The following PCDH11X variants were observed in gnomAD, a reference collection of about 807,000 sequenced individuals.
PCDH11X encodes protocadherin-11 X-linked.
Under a neutral mutation model 53.3 loss-of-function variants are expected in PCDH11X, and 18 were observed. The observed-to-expected ratio is 0.34, with a 90% confidence interval of 0.23 to 0.50. The LOEUF (loss-of-function observed/expected upper bound fraction) is 0.50, where lower values mean the gene tolerates loss of function less well. PCDH11X is among the 20% of genes least tolerant of loss of function. The probability of loss-of-function intolerance (pLI) is 0.98; values close to 1 mark genes in which losing one functional copy is unlikely to be tolerated. For missense variants in PCDH11X, 570 were observed against 1,032.4 expected, an observed-to-expected ratio of 0.55 and a Z score of 6.14; for synonymous variants, 279 against 393.3, an observed-to-expected ratio of 0.71 and a Z score of 3.44.
At chrX:91,814,605 G>T (rs796451003) in intron 4 of PCDH11X, among the ~76,000 whole-genome samples, 5 of 93,308 alleles carry the variant, frequency 5.4e-5, no homozygotes, top group Non-Finnish European at 1.1e-4. Flanking sequence ...TTTTGACTTC[G>T]CATGTGGAAT....
intron 10 of PCDH11X, among the ~76,000 whole-genome samples, chrX:92,484,086 C>CTGTG (rs370267882): frequency 1.1e-3 from 86 of 77,588 alleles, no homozygotes; most frequent in Non-Finnish European, 1.4e-3. Flanking sequence ...AAGAAAATCT[C>CTGTG]TGTGTGTGTG....
intron 6 of PCDH11X, among the ~76,000 whole-genome samples, chrX:92,107,728 T>C (rs1238342133): frequency 8.9e-6 from 1 of 111,952 alleles, no homozygotes; most frequent in Non-Finnish European, 1.9e-5. Context: ...ATGTATTTGA[T>C]TGATGTCTCA....
intron 10 of PCDH11X, among the ~76,000 whole-genome samples, chrX:92,598,055 A>G (rs1925823274): frequency 8.9e-6 from 1 of 111,887 alleles, no homozygotes; most frequent in African/African-American, 3.2e-5. Context: ...TAAATCTAAG[A>G]CCTCAAACTG....
At chrX:91,887,702 T>G (rs898629346) in intron 6 of PCDH11X, among the ~76,000 whole-genome samples, 6 of 111,831 alleles carry the variant, frequency 5.4e-5, no homozygotes, top group Admixed American at 1.9e-4. Flanking sequence ...TGGTGCATTT[T>G]AAAATTATAG....
intron 6 of PCDH11X, among the ~76,000 whole-genome samples, chrX:91,949,028 G>A (rs1361906761): frequency 9.1e-6 from 1 of 110,361 alleles, no homozygotes; most frequent in African/African-American, 3.3e-5. Flanking sequence ...CCTCAGAGGA[G>A]CCTGAATAAG....
At chrX:91,963,713 C>T (rs1336626054) in intron 6 of PCDH11X, among the ~76,000 whole-genome samples, 8 of 111,252 alleles carry the variant, frequency 7.2e-5, no homozygotes, top group Non-Finnish European at 1.3e-4. Flanking sequence ...TCTCACACTG[C>T]GAATAAGGAC....
chrX:91,878,900 C>T lies in PCDH11X; in HGVS notation c.2660C>T (p.Thr887Ile). Residue 887 changes from threonine (T) to isoleucine (I), a missense_variant, in exon 6 of 11, where the codon ACT becomes ATT. This residue lies in a region of PCDH11X where 226 missense variants were observed against 457.5 expected (regional missense o/e 0.49). Transcript: ENST00000682573. The stretch of plus-strand genomic sequence containing the variant: ...AAGAACTTGCTGCTTAATTTTGTCA[C>T]TATTGAAGAAACTAAGGCAGATGAT... The part of the protein sequence containing the change: ...SPKNLLLNFV[T>I]IEETKADDVD... The T allele has an allele frequency of 1.7e-6, 2 of 1,211,702 alleles. No homozygotes were observed. The highest frequency in any genetic ancestry group is 1.1e-6 in the Non-Finnish European group (1 of 895,481).
At chrX:91,815,885 T>C (rs926551012) in intron 4 of PCDH11X, among the ~76,000 whole-genome samples, 14 of 110,878 alleles carry the variant, frequency 1.3e-4, no homozygotes, top group African/African-American at 4.7e-4. Flanking sequence ...CCCAGCACTT[T>C]GGGAGGCCAA....
At chrX:91,931,134 G>A (rs1602515281) in intron 6 of PCDH11X, among the ~76,000 whole-genome samples, 1 of 56,522 alleles carries the variant, frequency 1.8e-5, no homozygotes, top group South Asian at 9.4e-4. Context: ...AGTGGTGTGT[G>A]TGTGTGTGTG....
intron 6 of PCDH11X, among the ~76,000 whole-genome samples, chrX:91,931,632 TAAAA>T (rs1465400430): frequency 1.8e-5 from 2 of 110,015 alleles, no homozygotes; most frequent in Non-Finnish European, 3.8e-5. Flanking sequence ...AACTTCTAGA[TAAAA>T]AGAAACACAG....
At chrX:92,082,162 G>T (rs1365419778) in intron 6 of PCDH11X, among the ~76,000 whole-genome samples, 1 of 110,460 alleles carries the variant, frequency 9.1e-6, no homozygotes, top group Non-Finnish European at 1.9e-5. Context: ...TGCACTTAAG[G>T]AGTTGGGATG....
chrX:92,047,710 G>T (rs2063310509), intron 6 of PCDH11X, among the ~76,000 whole-genome samples: 1 of 108,923 alleles, frequency 9.2e-6, no homozygotes, highest in Non-Finnish European at 1.9e-5. Flanking sequence ...TCATCTTTCA[G>T]TCAGAAATTT....
intron 10 of PCDH11X, among the ~76,000 whole-genome samples, chrX:92,471,708 A>C (rs2073266610): frequency 9.5e-6 from 1 of 105,126 alleles, no homozygotes; most frequent in Non-Finnish European, 2.0e-5. Context: ...CAGTGGCTGA[A>C]ATAATTTACG....
At chrX:92,147,841 T>TTCTTTC (rs2065306384) in intron 6 of PCDH11X, among the ~76,000 whole-genome samples, 2 of 99,588 alleles carry the variant, frequency 2.0e-5, no homozygotes, top group African/African-American at 7.9e-5. Flanking sequence ...CTTTCTTTCT[T>TTCTTTC]TCTTTCTTTC....
Position 91,831,999 on chromosome X carries a change from T to C in PCDH11X, c.-44-3462T>C, listed in dbSNP as rs535640421. Among the ~76,000 whole-genome samples the C allele has an allele frequency of 8.1e-5, 9 of 110,629 alleles. No individual in the cohort carries two copies. In the South Asian group the frequency reaches 3.5e-3, roughly 43 times the overall value. On this transcript the variant is annotated intron_variant, in intron 4 of 10. Coordinates refer to ENST00000682573, the MANE Select transcript of PCDH11X (RefSeq NM_032968.5). ...ATTTTTTCTCAATATTTCTTCCCCGTTTTTAAAACCACTGAATGAATTTCC... is the reference window on the plus strand; with the variant it reads ...ATTTTTTCTCAATATTTCTTCCCCGCTTTTAAAACCACTGAATGAATTTCC...
intron 6 of PCDH11X, among the ~76,000 whole-genome samples, chrX:91,966,102 C>T (rs2061859526): frequency 9.1e-6 from 1 of 110,312 alleles, no homozygotes; most frequent in South Asian, 3.8e-4. Context: ...AATGAGGGAT[C>T]TGGCATCTCA....
At chrX:92,550,630 T>A (rs770885032) in intron 10 of PCDH11X, among the ~76,000 whole-genome samples, 1,651 of 105,245 alleles carry the variant, frequency 0.016, 41 homozygotes, top group African/African-American at 0.053. Context: ...ATAATTAAAT[T>A]ATTATCGACT....
chrX:92,308,472 T>C lies in PCDH11X; in HGVS notation c.3144+45329T>C, dbSNP rs2068877136. On this transcript the variant is annotated intron_variant, in intron 8 of 10. Coordinates refer to ENST00000682573, the MANE Select transcript of PCDH11X (RefSeq NM_032968.5). ...ATGCAAAATAATGAAGTGAGACTCT[T>C]ACCTTATGCCATATACAAAAATTAA... Among the ~76,000 whole-genome samples, 4 of 111,232 alleles carry C rather than the reference T, an allele frequency of 3.6e-5. No homozygotes were observed. The South Asian group carries it at 1.5e-3, about 42-fold the overall frequency.
At chrX:92,254,045 C>A (rs189831449) in intron 7 of PCDH11X, among the ~76,000 whole-genome samples, 1 of 111,670 alleles carries the variant, frequency 9.0e-6, no homozygotes, top group African/African-American at 3.3e-5. Flanking sequence ...CAGTTTTTTT[C>A]TCATTAAGTA....
Sources: allele counts gnomAD v4.1 joint callset (sites outside exome capture counted in the v4.1 genomes callset), GRCh38; gene constraint gnomAD v4.1.1; regional missense constraint gnomAD v4.1.1; transcripts MANE v1.5; gene names NCBI Gene and HGNC (gene_info 2026-07-23, HGNC 2026-07-21).